The following TRAPPC12 variants were observed in gnomAD, a reference collection of about 807,000 sequenced individuals.
The protein encoded by TRAPPC12 is TPR repeat protein 15.
TRAPPC12 carries 61 observed loss-of-function variants against 69.2 expected under a neutral mutation model. The observed-to-expected ratio is 0.88, with a 90% CI of 0.72 to 1.09. The LOEUF (loss-of-function observed/expected upper bound fraction) is 1.09, where lower values mean the gene tolerates loss of function less well. Ranked by LOEUF, TRAPPC12 falls within the 50% of genes least tolerant of loss-of-function variation. The pLI is 0.00. For missense variants in TRAPPC12, 1,101 were observed against 1,016.4 expected (o/e 1.08, Z -1.13); for synonymous variants, 469 against 438.9 (o/e 1.07, Z -0.86).
Position 3,414,738 on chromosome 2 carries a change from G to C in TRAPPC12, c.1165-7143G>C, listed in dbSNP as rs1341220381. Among the ~76,000 whole-genome samples, 5 of 152,038 alleles carry C rather than the reference G, an allele frequency of 3.3e-5. No individual in the cohort carries two copies. ...GGACACCATTCCCCGTCGTTGACGT[G>C]CATTCCTCTTGTTCATCGTGCGAGA... On this transcript the variant is annotated intron_variant, in intron 3 of 11. Transcript: ENST00000324266. The surrounding 1 kb of genome is among the most constrained non-coding windows in gnomAD (Gnocchi z 4.9).
rs114460007 is a variant in TRAPPC12 at position 3,427,317 on chromosome 2, G to A, written c.1417+2654G>A. On this transcript the variant is annotated intron_variant, in intron 5 of 11. Transcript: ENST00000324266. ...AGGTCTGTGGGACTCTGCCTGGGCCGGGGACTGGAACTGGGACTGAACAGC... is the reference window on the plus strand; with the variant it reads ...AGGTCTGTGGGACTCTGCCTGGGCCAGGGACTGGAACTGGGACTGAACAGC... Among the ~76,000 whole-genome samples the A allele has an allele frequency of 4.9e-3, 745 of 152,268 alleles. 4 individuals are homozygous for A. The highest frequency in any genetic ancestry group is 0.017 in the African/African-American group (711 of 41,542).
chr2:3,415,684 G>C (rs976329954), intron 3 of TRAPPC12, among the ~76,000 whole-genome samples: 1 of 149,460 alleles, frequency 6.7e-6, no homozygotes, highest in Non-Finnish European at 1.5e-5. Flanking sequence ...GGTTACAGAA[G>C]TGAGCCATCG....
At chr2:3,426,215 G>A (rs947800653) in intron 5 of TRAPPC12, among the ~76,000 whole-genome samples, 2 of 152,196 alleles carry the variant, frequency 1.3e-5, no homozygotes, top group Admixed American at 1.3e-4. Context: ...AAGAAAAAAT[G>A]GGAAGGGTAA....
At chr2:3,450,327 A>G (rs1185432467) in intron 6 of TRAPPC12, among the ~76,000 whole-genome samples, 1 of 152,218 alleles carries the variant, frequency 6.6e-6, no homozygotes, top group Non-Finnish European at 1.5e-5. Context: ...GTGTTCTGTC[A>G]ATCTGTGATC....
chr2:3,403,230 AT>A (rs35354979), intron 3 of TRAPPC12, among the ~76,000 whole-genome samples: 306 of 119,388 alleles, frequency 2.6e-3, no homozygotes, highest in African/African-American at 7.6e-3. Flanking sequence ...GATTTCACCA[AT>A]TTTTTTTTTT....
intron 2 of TRAPPC12, among the ~76,000 whole-genome samples, chr2:3,389,314 G>A (rs879467455): frequency 1.3e-5 from 2 of 152,242 alleles, no homozygotes; most frequent in Non-Finnish European, 1.5e-5. Flanking sequence ...GGCATATCCC[G>A]TGGCCTCGGT....
chr2:3,468,387 T>A (rs1572206299), intron 9 of TRAPPC12, among the ~76,000 whole-genome samples: 1 of 151,974 alleles, frequency 6.6e-6, no homozygotes, highest in Non-Finnish European at 1.5e-5. Flanking sequence ...CAGGCTGGCG[T>A]GGCTCTGAGC....
rs554577297 is a variant in TRAPPC12, at chr2:3,454,112, C to T, written c.1531-3509C>T. Among the ~76,000 whole-genome samples, 6 of 152,346 alleles carry T rather than the reference C, an allele frequency of 3.9e-5. No homozygotes were observed. The East Asian group carries it at 5.8e-4, about 15-fold the overall frequency. On this transcript the variant is annotated intron_variant, in intron 6 of 11. Coordinates refer to ENST00000324266, the MANE Select transcript of TRAPPC12 (RefSeq NM_016030.6). ...GGGCTTTCTCCAGCTGTCCCCTTCT[C>T]GGGCTGAAGCACCTCAGTGACCCAG... is the stretch of plus-strand genomic sequence containing the variant.
intron 5 of TRAPPC12, among the ~76,000 whole-genome samples, chr2:3,434,797 T>C (rs1663654922): frequency 6.6e-6 from 1 of 152,204 alleles, no homozygotes; most frequent in Admixed American, 6.5e-5. Flanking sequence ...TTTGTTTACT[T>C]GATAACCGAG....
At chr2:3,415,760 A>G (rs1662346202) in intron 3 of TRAPPC12, among the ~76,000 whole-genome samples, 1 of 143,294 alleles carries the variant, frequency 7.0e-6, no homozygotes, top group African/African-American at 2.7e-5. Context: ...TCTGTTGCCC[A>G]GGCTGGAGTA....
At chr2:3,445,348 G>A (rs999402820) in intron 6 of TRAPPC12, among the ~76,000 whole-genome samples, 2 of 152,192 alleles carry the variant, frequency 1.3e-5, no homozygotes, top group African/African-American at 4.8e-5. Context: ...TCAAGCCACT[G>A]CACTCCAGTC....
rs1425672986 is a variant in TRAPPC12, at chr2:3,379,845, C to A, written c.-36C>A. ...GACCTTGGTCACGGCCGCAGGTGACCCCTTAGCCCAGCTCCAGTGGGCGGG... is the reference window on the plus strand; with the variant it reads ...GACCTTGGTCACGGCCGCAGGTGACACCTTAGCCCAGCTCCAGTGGGCGGG... On this transcript the variant is annotated 5_prime_UTR_variant, in exon 1 of 12. Coordinates refer to ENST00000324266, the MANE Select transcript of TRAPPC12 (RefSeq NM_016030.6). 1 of 152,510 alleles carries A rather than the reference C, an allele frequency of 6.6e-6. No homozygotes were observed. Among genetic ancestry groups the A allele is most frequent in the Non-Finnish European group, 1.5e-5 (1 of 68,302 alleles). 9.4% of individuals were successfully genotyped at this position (152,510 alleles called of 1,614,324 possible).
intron 5 of TRAPPC12, among the ~76,000 whole-genome samples, chr2:3,430,876 G>C (rs1479573912): frequency 2.0e-5 from 3 of 152,172 alleles, no homozygotes; most frequent in Non-Finnish European, 2.9e-5. Context: ...ACCTTCCGCT[G>C]GGTGTGGGAG....
intron 9 of TRAPPC12, among the ~76,000 whole-genome samples, chr2:3,473,987 C>G (rs547766415): frequency 6.6e-6 from 1 of 152,352 alleles, no homozygotes. Flanking sequence ...CCTCTCCAGT[C>G]AACAGCTCAC....
chr2:3,446,913 A>G (rs1347486883), intron 6 of TRAPPC12, among the ~76,000 whole-genome samples: 1 of 152,210 alleles, frequency 6.6e-6, no homozygotes, highest in East Asian at 1.9e-4. Context: ...CAGAATTTAA[A>G]AAGGGACAGT....
chr2:3,465,518 A>G, intron 8 of TRAPPC12, 79 bp from the exon 9 acceptor site: 1 of 988,864 alleles, frequency 1.0e-6, no homozygotes, highest in South Asian at 1.3e-5. Flanking sequence ...GCGTCTGTAT[A>G]CACTTGTGCT....
chr2:3,442,503 G>A (rs1157982182), intron 5 of TRAPPC12, among the ~76,000 whole-genome samples: 1 of 152,178 alleles, frequency 6.6e-6, no homozygotes, highest in East Asian at 1.9e-4. Flanking sequence ...GAAAACCGAA[G>A]TGACTCAGGC....
chr2:3,399,337 C>CT (rs1661294369), intron 2 of TRAPPC12, among the ~76,000 whole-genome samples: 1 of 152,196 alleles, frequency 6.6e-6, no homozygotes, highest in African/African-American at 2.4e-5. Context: ...TGCTCTTTGT[C>CT]TGAGACGAGT....
chr2:3,445,880 A>C (rs1047522352), intron 6 of TRAPPC12, among the ~76,000 whole-genome samples: 4 of 152,256 alleles, frequency 2.6e-5, no homozygotes, highest in Non-Finnish European at 5.9e-5. Flanking sequence ...CCTGTGCTGA[A>C]TGGGGCCCTG....
Sources: allele counts gnomAD v4.1 joint callset (sites outside exome capture counted in the v4.1 genomes callset), GRCh38; gene constraint gnomAD v4.1.1; non-coding constraint Gnocchi (gnomAD v3.1); transcripts MANE v1.5; gene names NCBI Gene and HGNC (gene_info 2026-07-23, HGNC 2026-07-21).